FRMPD1: variants seen among roughly 807,000 people sequenced by gnomAD.
The protein encoded by FRMPD1 is FERM and PDZ domain-containing protein 1.
A neutral mutation model predicts 117.8 loss-of-function variants in FRMPD1; 76 were observed. The ratio of observed to expected loss-of-function variants is 0.65; its 90% CI spans 0.54 to 0.78. FRMPD1 has a LOEUF of 0.78. Ranked by LOEUF, FRMPD1 falls within the 30% of genes least tolerant of loss-of-function variation. The pLI, the probability that FRMPD1 is intolerant of heterozygous loss-of-function variation, is 0.00. For synonymous variants in FRMPD1, 783 were observed against 770.4 expected (o/e 1.02, Z -0.27); for missense variants, 1,786 against 1,964.5 (o/e 0.91, Z 1.72).
At position 37,730,842 on chromosome 9, in the gene FRMPD1, C is replaced by G. The variant is rs1363482948; in HGVS notation, c.739-142C>G. ...AGAAAGTCAAATTAGGAGTAAAGGT[C>G]TATGGCTGTCTTGGGAAGCACTAGA... is the stretch of plus-strand genomic sequence containing the variant. On this transcript the variant is annotated intron_variant, in intron 8 of 15. Transcript: ENST00000377765. The G allele has an allele frequency of 3.8e-6, 3 of 790,050 alleles. No homozygotes were observed. The African/African-American group carries it at 5.2e-5, about 14-fold the overall frequency. 48.9% of individuals were successfully genotyped at this position (790,050 alleles called of 1,614,324 possible).
rs142379512 is a variant in FRMPD1 at position 37,729,815 on chromosome 9, C to T, written c.700C>T (p.Arg234Trp). ...LALEEQYSIS[R>W]LHLLHEEELI... is the part of the protein sequence containing the mutation. ...CCTGGAAGAGCAGTACAGCATCTCC[C>T]GGCTGCACCTGCTGCACGAAGAGGA... Residue 234 changes from arginine to tryptophan, a missense_variant, in exon 8 of 16, where the codon CGG becomes TGG. Coordinates refer to ENST00000377765, the MANE Select transcript of FRMPD1 (RefSeq NM_014907.3). 65 of 1,613,980 alleles carry T rather than the reference C, an allele frequency of 4.0e-5. No homozygotes were observed. The highest frequency in any genetic ancestry group is 1.6e-4 in the Middle Eastern group (1 of 6,062).
chr9:37,685,592 C>T (rs1170329833), intron 1 of FRMPD1, among the ~76,000 whole-genome samples: 3 of 151,852 alleles, frequency 2.0e-5, no homozygotes, highest in South Asian at 2.1e-4. Context: ...GCGGAGATTG[C>T]GGTGAGCCGA....
intron 1 of FRMPD1, among the ~76,000 whole-genome samples, chr9:37,680,210 G>A (rs974929361): frequency 6.6e-6 from 1 of 152,180 alleles, no homozygotes; most frequent in Non-Finnish European, 1.5e-5. Flanking sequence ...AAGAGGCTAA[G>A]CCCTTTCTAA....
intron 1 of FRMPD1, among the ~76,000 whole-genome samples, chr9:37,684,615 A>G (rs188449021): frequency 6.6e-6 from 1 of 152,322 alleles, no homozygotes; most frequent in East Asian, 1.9e-4. Flanking sequence ...GTCAGATAGA[A>G]TGAAAGTTTG....
chr9:37,718,531 A>G lies in FRMPD1; in HGVS notation c.409-538A>G, dbSNP rs144503096. 1.6e-3 allele frequency among the ~76,000 whole-genome samples: 240 copies of G among 152,324 alleles called. 1 individual carries two copies. The highest frequency in any genetic ancestry group is 5.6e-3 in the African/African-American group (231 of 41,574). ...TGACTCTCTTTACTTCTTTGGGAAAAGAAGGTACCTTCCAAAAGATAAGAG... is the reference window on the plus strand; with the variant it reads ...TGACTCTCTTTACTTCTTTGGGAAAGGAAGGTACCTTCCAAAAGATAAGAG... On this transcript the variant is annotated intron_variant, in intron 5 of 15. Transcript: ENST00000377765.
chr9:37,745,890 C>T lies in FRMPD1; in HGVS notation c.3858C>T (p.Ser1286=), dbSNP rs1824687041. The T allele has an allele frequency of 6.2e-7, 1 of 1,614,108 alleles. No homozygotes were observed. The highest frequency in any genetic ancestry group is 8.5e-7 in the Non-Finnish European group (1 of 1,180,042). The change falls in exon 16 of 16, where the codon AGC becomes AGT. Residue 1286 remains serine (S), a synonymous_variant. Coordinates refer to ENST00000377765, the MANE Select transcript of FRMPD1 (RefSeq NM_014907.3). ...LLSEGKSDSS[S]ICLSAEKSFL... ...CAGAAGGCAAAAGTGACAGCTCTAG[C>T]ATCTGCCTTTCTGCTGAGAAGTCTT...
chr9:37,715,960 A>G (rs574932644), intron 5 of FRMPD1, among the ~76,000 whole-genome samples: 2 of 152,144 alleles, frequency 1.3e-5, no homozygotes, highest in Non-Finnish European at 2.9e-5. Context: ...AGGCTAAACA[A>G]CTGTGCCGTT....
At chr9:37,736,747 G>A (rs916551194) in intron 13 of FRMPD1, among the ~76,000 whole-genome samples, 15 of 152,040 alleles carry the variant, frequency 9.9e-5, no homozygotes, top group African/African-American at 3.4e-4. Flanking sequence ...AACAGGGTGG[G>A]ATGGGGCAGT....
chr9:37,726,718 A>G (rs927079070), intron 7 of FRMPD1, among the ~76,000 whole-genome samples: 2 of 152,026 alleles, frequency 1.3e-5, no homozygotes, highest in Non-Finnish European at 2.9e-5. Context: ...AATATAAATA[A>G]ATAAATAAAT....
At chr9:37,698,631 G>A (rs1414763992) in intron 2 of FRMPD1, among the ~76,000 whole-genome samples, 1 of 128,270 alleles carries the variant, frequency 7.8e-6, no homozygotes, top group African/African-American at 3.0e-5. Context: ...GTGCGATCTT[G>A]GCTTACTGCA....
chr9:37,664,338 G>T (rs149691907), intron 1 of FRMPD1, among the ~76,000 whole-genome samples: 118 of 151,860 alleles, frequency 7.8e-4, no homozygotes, highest in African/African-American at 2.8e-3. Context: ...TTAAGTTCCG[G>T]GATACATGTG....
chr9:37,740,713 C>A lies in FRMPD1; in HGVS notation c.2185C>A (p.Arg729=). Residue 729 remains arginine, a synonymous_variant, in exon 15 of 16, where the codon CGG becomes AGG. Coordinates refer to ENST00000377765, the MANE Select transcript of FRMPD1 (RefSeq NM_014907.3). The surrounding 1 kb of genome is among the most constrained non-coding windows in gnomAD (Gnocchi z 4.2). ...TGACAGTTCCGAGAGTACAGCTTCC[C>A]GGCAAGGGGGAGCCCCGCCAGCCTG... is the stretch of plus-strand genomic sequence containing the variant. ...LSDSSESTAS[R]QGGAPPAWGQ... 1 of 1,613,990 alleles carries A rather than the reference C, an allele frequency of 6.2e-7. No individual in the cohort carries two copies. The highest frequency in any genetic ancestry group is 8.5e-7 in the Non-Finnish European group (1 of 1,179,966).
intron 1 of FRMPD1, among the ~76,000 whole-genome samples, chr9:37,687,797 A>G (rs948855182): frequency 1.3e-5 from 2 of 152,256 alleles, no homozygotes; most frequent in African/African-American, 2.4e-5. Context: ...AGAAGTAAAT[A>G]TAAATGGCCA....
chr9:37,621,983 G>A, the FRMPD1 span, among the ~76,000 whole-genome samples: 2 of 152,240 alleles, frequency 1.3e-5, no homozygotes, highest in African/African-American at 2.4e-5. Context: ...CTGTTCTGCT[G>A]AGAATGCCTT....
intron 3 of FRMPD1, among the ~76,000 whole-genome samples, chr9:37,707,806 G>A (rs570062597): frequency 4.6e-4 from 70 of 152,362 alleles, no homozygotes; most frequent in Admixed American, 2.2e-3. Flanking sequence ...CTTGGCTAGG[G>A]CGTTGCCCAC....
chr9:37,617,665 C>A, the FRMPD1 span, among the ~76,000 whole-genome samples: 5 of 152,198 alleles, frequency 3.3e-5, no homozygotes, highest in Non-Finnish European at 4.4e-5. Context: ...TTCCCTAATT[C>A]TAAGCCATCC....
chr9:37,609,985 C>T, the FRMPD1 span, among the ~76,000 whole-genome samples: 1 of 152,228 alleles, frequency 6.6e-6, no homozygotes, highest in African/African-American at 2.4e-5. Context: ...TCCCAGAAAG[C>T]CCTGCCCTGA....
intron 15 of FRMPD1, chr9:37,741,094 ATGGGAGGGATTCATCCAACAG>A (rs1307912321): frequency 8.9e-5 from 52 of 581,304 alleles, no homozygotes; most frequent in Admixed American, 3.8e-4. Context: ...TGGCAAGCAG[ATGGGAGGGATTCATCCAACAG>A]TGGGAATCAG....
At chr9:37,685,410 A>C (rs138525528) in intron 1 of FRMPD1, among the ~76,000 whole-genome samples, 2,529 of 152,192 alleles carry the variant, frequency 0.017, 67 homozygotes, top group African/African-American at 0.057. Context: ...TTGGGAGGCC[A>C]AGGCGGGCGG....
Sources: allele counts gnomAD v4.1 joint callset (sites outside exome capture counted in the v4.1 genomes callset), GRCh38; gene constraint gnomAD v4.1.1; non-coding constraint Gnocchi (gnomAD v3.1); transcripts MANE v1.5; gene names NCBI Gene and HGNC (gene_info 2026-07-23, HGNC 2026-07-21).